NEB: variants seen among roughly 807,000 people sequenced by gnomAD.
The protein encoded by NEB is nebulin.
NEB carries 512 observed loss-of-function variants against 952.2 expected under a neutral mutation model. That is an observed-to-expected ratio of 0.54 (90% CI 0.50 to 0.58). The LOEUF (loss-of-function observed/expected upper bound fraction) is 0.58. Among genes scored for constraint, NEB ranks in the 20% least tolerant of loss-of-function variants. The pLI is 0.00. For missense variants in NEB, 8,428 were observed against 9,231.1 expected, an observed-to-expected ratio of 0.91 and a Z score of 3.56; for synonymous variants, 2,900 against 3,149.8, an observed-to-expected ratio of 0.92 and a Z score of 2.66.
Position 151,656,248 on chromosome 2 carries a change from T to C in NEB, c.6400A>G (p.Asn2134Asp), listed in dbSNP as rs751935179. The C allele has an allele frequency of 1.7e-5, 28 of 1,613,484 alleles. No homozygotes were observed. The highest frequency in any genetic ancestry group is 2.3e-5 in the Non-Finnish European group (27 of 1,179,704). The change falls in exon 49 of 182, where the codon AAC becomes GAC. Residue 2134 changes from asparagine to aspartate, a missense_variant. Asn to Asp is a conservative substitution (Grantham distance 23, BLOSUM62 1). Around this residue, in one of 11 missense-constraint regions of NEB, gnomAD observed 2,851 missense variants for 2,791.5 expected, o/e 1.02. Coordinates refer to ENST00000397345, the MANE Select transcript of NEB (RefSeq NM_001164508.2). The part of the protein sequence containing the change: ...AAKDAQANIT[N>D]TNYKHLIHKY... Reference sequence around the variant, plus strand: ...TGAATCAGGTGCTTGTAGTTAGTGTTGGTGATGTTGGCTTGGGCATCCTTT... The same window carrying C: ...TGAATCAGGTGCTTGTAGTTAGTGTCGGTGATGTTGGCTTGGGCATCCTTT...
At chr2:151,641,183 G>C (rs1237659978) in intron 60 of NEB, among the ~76,000 whole-genome samples, 1 of 152,108 alleles carries the variant, frequency 6.6e-6, no homozygotes, top group Admixed American at 6.5e-5. Context: ...ATGTAATTCT[G>C]CCACTAAAAT....
intron 179 of NEB, chr2:151,491,300 G>C (rs765709905): frequency 3.5e-5 from 6 of 172,384 alleles, no homozygotes; most frequent in Non-Finnish European, 6.2e-5. Flanking sequence ...AGCCTGCTTT[G>C]TGTAATGAAT....
intron 9 of NEB, among the ~76,000 whole-genome samples, chr2:151,718,399 G>A (rs538369739): frequency 2.0e-5 from 3 of 152,186 alleles, no homozygotes; most frequent in South Asian, 2.1e-4. Flanking sequence ...GTATACTAAT[G>A]CCATTTTGTC....
Position 151,627,261 on chromosome 2 carries a change from A to T in NEB, c.10144-56T>A. 3.2e-6 allele frequency: 5 copies of T among 1,544,968 alleles called. No individual in the cohort carries two copies. The South Asian group carries it at 6.1e-5, about 19-fold the overall frequency. On this transcript the variant is annotated intron_variant, in intron 69 of 181. Coordinates refer to ENST00000397345, the MANE Select transcript of NEB (RefSeq NM_001164508.2). ...ACTGAAGTTGTTTTAACATGATTTCAAAAATAAAAAAATAACACTAGAAAG... is the reference window on the plus strand; with the variant it reads ...ACTGAAGTTGTTTTAACATGATTTCTAAAATAAAAAAATAACACTAGAAAG...
rs2099408346 is a variant in NEB at position 151,680,723 on chromosome 2, CACTT to C, written c.3042+3_3042+6del. ...TCTATTAACATATAGATAGCATTAA[CACTT>C]ACATCACTCCTCTGGGCCTGGTTAA... On this transcript the variant is annotated splice_donor_5th_base_variant and intron_variant, in intron 30 of 181. Coordinates refer to ENST00000397345, the MANE Select transcript of NEB (RefSeq NM_001164508.2). 1.9e-6 allele frequency: 3 copies of C among 1,558,184 alleles called. No homozygotes were observed. Among genetic ancestry groups the C allele is most frequent in the Non-Finnish European group, 2.6e-6 (3 of 1,132,240 alleles).
At chr2:151,694,464 C>G (rs763434193) in intron 19 of NEB, 28 bp from the exon 20 acceptor site, 1 of 1,612,956 alleles carries the variant, frequency 6.2e-7, no homozygotes, top group Non-Finnish European at 8.5e-7. Flanking sequence ...ATGCCAGATT[C>G]CACTCAAGAG....
chr2:151,698,101 G>GA (rs1559382298), intron 13 of NEB, among the ~76,000 whole-genome samples: 1 of 140,226 alleles, frequency 7.1e-6, no homozygotes, highest in Non-Finnish European at 1.5e-5. Context: ...AAAACAAAAA[G>GA]AAAAAAACCT....
chr2:151,692,281 G>C lies in NEB; in HGVS notation c.1978C>G (p.Gln660Glu), dbSNP rs921648683. 2 of 1,613,772 alleles carry C rather than the reference G, an allele frequency of 1.2e-6. No homozygotes were observed. The highest frequency in any genetic ancestry group is 2.2e-5 in the South Asian group (2 of 91,080). Residue 660 changes from glutamine to glutamate, a missense_variant, in exon 21 of 182, where the codon CAG (glutamine) becomes GAG (glutamate). Around this residue, in one of 11 missense-constraint regions of NEB, gnomAD observed 2,851 missense variants for 2,791.5 expected, o/e 1.02. Transcript: ENST00000397345. ...CGAACCTCACTGAAGTTCTTCAGCT[G>C]AGTATCAAGTTGATATTTTGGGGTC... ...CETPKYQLDT[Q>E]LKNFSEARYK...
chr2:151,614,178 G>T, intron 77 of NEB, 98 bp downstream of exon 77: 2 of 1,316,190 alleles, frequency 1.5e-6, no homozygotes, highest in Admixed American at 2.2e-5. Flanking sequence ...TCCTAAAGAG[G>T]TGTCTGTAGG....
chr2:151,498,437 GGAGGAAGAGAGTAAGTTA>G, intron 169 of NEB, 85 bp from the exon 170 acceptor site: 4 of 922,436 alleles, frequency 4.3e-6, no homozygotes, highest in Non-Finnish European at 6.6e-6. Flanking sequence ...GAGTGGGAAG[GGAGGAAGAGAGTAAGTTA>G]GAGGAAGAGA....
At chr2:151,676,101 T>C (rs2099357171) in intron 34 of NEB, among the ~76,000 whole-genome samples, 1 of 152,204 alleles carries the variant, frequency 6.6e-6, no homozygotes, top group African/African-American at 2.4e-5. Flanking sequence ...ATATATATCC[T>C]TATTTCCAAG....
intron 71 of NEB, among the ~76,000 whole-genome samples, chr2:151,621,583 C>G (rs2098417507): frequency 6.6e-6 from 1 of 152,138 alleles, no homozygotes; most frequent in African/African-American, 2.4e-5. Context: ...ATTTAGGAGT[C>G]AAAACTGCAA....
chr2:151,611,138 A>G (rs763989877), intron 78 of NEB, among the ~76,000 whole-genome samples: 5 of 152,148 alleles, frequency 3.3e-5, no homozygotes, highest in Non-Finnish European at 7.3e-5. Context: ...CTGAATCACA[A>G]GCTTATTCAG....
At chr2:151,493,213 C>G in intron 176 of NEB, 140 bp downstream of exon 176, 1 of 660,732 alleles carries the variant, frequency 1.5e-6, no homozygotes, top group Non-Finnish European at 2.6e-6. Context: ...GGTGTTAAAA[C>G]GTTACTTTCC....
intron 5 of NEB, among the ~76,000 whole-genome samples, chr2:151,726,909 T>A (rs899287461): frequency 2.0e-5 from 3 of 151,936 alleles, no homozygotes; most frequent in African/African-American, 7.3e-5. Context: ...AATTAGCCAG[T>A]CATGGTGGCA....
chr2:151,507,060 G>A (rs1475850868), intron 162 of NEB, 47 bp from the exon 163 acceptor site: 2 of 1,180,098 alleles, frequency 1.7e-6, no homozygotes. Context: ...ACATTGCTTT[G>A]TTTTCTTTAT....
intron 121 of NEB, 116 bp downstream of exon 121, chr2:151,561,994 G>A: frequency 1.3e-6 from 1 of 749,594 alleles, no homozygotes; most frequent in Non-Finnish European, 2.3e-6. Flanking sequence ...AGGGGCTTTG[G>A]TCAGTTAGAG....
At chr2:151,702,612 A>T (rs2099679067) in intron 13 of NEB, among the ~76,000 whole-genome samples, 2 of 151,730 alleles carry the variant, frequency 1.3e-5, no homozygotes. Flanking sequence ...TCCCTTTACC[A>T]TTATGTAATG....
intron 142 of NEB, among the ~76,000 whole-genome samples, chr2:151,535,440 GTGTT>G (rs1221455101): frequency 1.3e-5 from 2 of 152,198 alleles, no homozygotes; most frequent in African/African-American, 4.8e-5. Flanking sequence ...GTGCTGCCCT[GTGTT>G]TGTGCAGAGG....
Sources: gnomAD v4.1 joint callset for allele counts (sites outside exome capture counted in the v4.1 genomes callset) on GRCh38, gnomAD v4.1.1 for gene constraint, gnomAD v4.1.1 regional missense constraint, MANE v1.5 for transcripts, NCBI Gene and HGNC (gene_info 2026-07-23, HGNC 2026-07-21) for gene names.